The following LYPD5 variants were observed in gnomAD, a reference collection of about 807,000 sequenced individuals.
LYPD5 encodes LY6/PLAUR domain containing 5.
In LYPD5, 21 loss-of-function variants were observed where a neutral mutation model predicts 19.1. The ratio of observed to expected loss-of-function variants is 1.10; its 90% CI spans 0.78 to 1.58. The LOEUF (loss-of-function observed/expected upper bound fraction) is 1.58, where lower values mean the gene tolerates loss of function less well. Among genes scored for constraint, LYPD5 ranks in the 40% most tolerant of loss-of-function variants. The probability of loss-of-function intolerance (pLI) is 0.00; values close to 1 mark genes in which losing one functional copy is unlikely to be tolerated. For missense variants in LYPD5, 287 were observed against 329.8 expected, an observed-to-expected ratio of 0.87 and a Z score of 1.00; for synonymous variants, 128 against 142.7, an observed-to-expected ratio of 0.90 and a Z score of 0.74.
At chr19:43,802,185 G>C in intron 1 of LYPD5, 132 bp downstream of exon 1, 10 of 583,782 alleles carry the variant, frequency 1.7e-5, no homozygotes, top group East Asian at 1.1e-4. Context: ...TCCTCCCTCA[G>C]ACCCAGGAGA....
chr19:43,811,319 T>A (rs1262888164), intron 1 of LYPD5, among the ~76,000 whole-genome samples: 1 of 152,122 alleles, frequency 6.6e-6, no homozygotes, highest in Non-Finnish European at 1.5e-5. Context: ...TTGAGAAACG[T>A]GACATCATGA....
chr19:43,811,560 C>G (rs1399364638), intron 1 of LYPD5, among the ~76,000 whole-genome samples: 2 of 152,036 alleles, frequency 1.3e-5, no homozygotes, highest in Non-Finnish European at 2.9e-5. Context: ...GTGGTGGGCA[C>G]CTATAATCCC....
upstream of LYPD5, among the ~76,000 whole-genome samples, chr19:43,805,144 T>C (rs536360672): frequency 3.3e-5 from 5 of 152,330 alleles, no homozygotes; most frequent in East Asian, 5.8e-4. Flanking sequence ...TTTCCACGCA[T>C]GGTTCCATTT....
At position 43,813,312 on chromosome 19, in the gene LYPD5, G is replaced by A. The variant is rs1053945062; in HGVS notation, c.-66+7228C>T. ...TGTTAAAAAGTCTGGGAACTCCACC[G>A]TCTCTCTCTCGCTCTCTCTCTTGCC... On this transcript the variant is annotated intron_variant, in intron 1 of 4. Transcript: ENST00000414615. Among the ~76,000 whole-genome samples, 6 of 151,782 alleles carry A rather than the reference G, an allele frequency of 4.0e-5. 1 individual carries two copies. Among genetic ancestry groups the A allele is most frequent in the Non-Finnish European group, 8.8e-5 (6 of 68,004 alleles).
At position 43,819,336 on chromosome 19, in the gene LYPD5, G is replaced by A. The variant is rs578214730; in HGVS notation, c.-66+1204C>T. Among the ~76,000 whole-genome samples the A allele has an allele frequency of 1.1e-4, 16 of 141,460 alleles. No individual in the cohort carries two copies. In the South Asian group the frequency reaches 3.6e-3, roughly 32 times the overall value. The allele number at this position is 141,460 out of a possible 152,430, so 92.8% of individuals were successfully genotyped here. A position where few individuals can be genotyped will look rare whatever the true frequency, so the allele number is the denominator to read the frequency against. On this transcript the variant is annotated intron_variant, in intron 1 of 4. Coordinates refer to the LYPD5 transcript ENST00000414615. Reference sequence around the variant, plus strand: ...GTTTGCTCTTGTTGCCCAGGTTGGAGCGTAGTGGCATGATCTCAGCTCACT... The same window carrying A: ...GTTTGCTCTTGTTGCCCAGGTTGGAACGTAGTGGCATGATCTCAGCTCACT...
upstream of LYPD5, among the ~76,000 whole-genome samples, chr19:43,803,852 T>C (rs1189316004): frequency 3.3e-5 from 5 of 152,108 alleles, no homozygotes; most frequent in African/African-American, 1.2e-4. Flanking sequence ...CTCTTTTTCT[T>C]TTTGAGACGG....
At chr19:43,806,995 T>C (rs1470884011), upstream of LYPD5, among the ~76,000 whole-genome samples, 1 of 152,202 alleles carries the variant, frequency 6.6e-6, no homozygotes, top group Non-Finnish European at 1.5e-5. Context: ...GGTATAACCA[T>C]GTTGTATGTA....
chr19:43,802,581 G>T, upstream of LYPD5: 1 of 578,562 alleles, frequency 1.7e-6, no homozygotes, highest in African/African-American at 1.9e-5. Flanking sequence ...TACACTTCTG[G>T]GTCTGAGGGA....
upstream of LYPD5, among the ~76,000 whole-genome samples, chr19:43,804,090 G>C (rs888998028): frequency 6.6e-6 from 1 of 152,058 alleles, no homozygotes; most frequent in Non-Finnish European, 1.5e-5. Context: ...TGCCCGCCTC[G>C]GCCTCCCAAA....
In LYPD5 at chr19:43,802,362, T is replaced by C; in HGVS notation, c.19A>G (p.Arg7Gly). 6.4e-7 allele frequency: 1 copy of C among 1,551,676 alleles called. No homozygotes were observed. The change falls in exon 1 of 5, where the codon AGA becomes GGA. Residue 7 changes from arginine to glycine, a missense_variant. Coordinates refer to ENST00000377950, the MANE Select transcript of LYPD5 (RefSeq NM_001031749.3). MAMGVP[R>G]VILLCLFGAA... ...CCAAAGAGGCAGAGCAGAATGACTC[T>C]GGGGACCCCCATTGCCATTGCTGAG...
rs192097865 is a variant in LYPD5 at position 43,807,535 on chromosome 19, C to T, written c.-65-7701G>A. Among the ~76,000 whole-genome samples, 1,179 of 152,218 alleles carry T rather than the reference C, an allele frequency of 7.7e-3. 18 individuals carry two copies. Among genetic ancestry groups the T allele is most frequent in the African/African-American group, 0.027 (1,131 of 41,530 alleles). ...CTGATCTCAGGTGATCCGCCTGCCT[C>T]GGCCTCCCAGAGTTGGGATTACAGG... On this transcript the variant is annotated intron_variant, in intron 1 of 4. Transcript: ENST00000414615.
upstream of LYPD5, among the ~76,000 whole-genome samples, chr19:43,806,688 C>CAAAAT (rs754806548): frequency 1.3e-5 from 2 of 151,774 alleles, 1 homozygote; most frequent in African/African-American, 4.8e-5. Flanking sequence ...CAAAACAAAA[C>CAAAAT]AAACCCAACA....
intron 1 of LYPD5, among the ~76,000 whole-genome samples, chr19:43,812,385 C>CA (rs1555729234): frequency 2.0e-5 from 2 of 97,852 alleles, no homozygotes; most frequent in Non-Finnish European, 4.9e-5. Context: ...ATCAATCTAT[C>CA]ATCTATCTAT....
chr19:43,803,495 G>A (rs946701075), upstream of LYPD5, among the ~76,000 whole-genome samples: 2 of 152,168 alleles, frequency 1.3e-5, no homozygotes, highest in African/African-American at 4.8e-5. Context: ...CACCAGCCAT[G>A]TGCAGACACC....
rs1303772404 is a variant in LYPD5 at position 43,797,299 on chromosome 19, G to GGGTGCCT, written c.*285_*291dup. On this transcript the variant is annotated 3_prime_UTR_variant, in exon 5 of 5. Coordinates refer to ENST00000377950, the MANE Select transcript of LYPD5 (RefSeq NM_001031749.3). ...GGAGAGCACAGGAAGCCGTGTTATG[G>GGGTGCCT]GGTGCCTGGTGCCTGGCTGGTGCTC... The GGGTGCCT allele has an allele frequency of 1.3e-5, 5 of 393,042 alleles. No homozygotes were observed. Among genetic ancestry groups the GGGTGCCT allele is most frequent in the Admixed American group, 8.4e-5 (2 of 23,928 alleles). The allele number at this position is 393,042 out of a possible 1,614,324, so 24.3% of individuals were successfully genotyped here.
chr19:43,799,846 G>A lies in LYPD5; in HGVS notation c.65-12C>T. The A allele has an allele frequency of 6.2e-7, 1 of 1,604,628 alleles. No individual in the cohort carries two copies. The highest frequency in any genetic ancestry group is 8.5e-7 in the Non-Finnish European group (1 of 1,175,800). On this transcript the variant is annotated splice_polypyrimidine_tract_variant and intron_variant, in intron 1 of 4. Transcript: ENST00000377950. Reference sequence around the variant, plus strand: ...CAGGGCTTGGGACCCTGGGGAGAGAGGCGTGGCAGAGTCAGCAGGGCCAGT... The same window carrying A: ...CAGGGCTTGGGACCCTGGGGAGAGAAGCGTGGCAGAGTCAGCAGGGCCAGT...
chr19:43,799,768 A>G lies in LYPD5; in HGVS notation c.131T>C (p.Met44Thr), dbSNP rs770698693. The G allele has an allele frequency of 1.1e-5, 18 of 1,613,800 alleles. No homozygotes were observed. ...AGGACAGGAGATGCTGGGCAGCTTC[A>G]TGGCCCTGAGGTCAAAGGGGCCAAA... ...TYFGPFDLRA[M>T]KLPSISCPHE... The change falls in exon 2 of 5, where the codon ATG becomes ACG. Residue 44 changes from methionine (M) to threonine (T), a missense_variant. Physicochemically the swap from Met to Thr is moderately conservative, Grantham distance 81. Coordinates refer to ENST00000377950, the MANE Select transcript of LYPD5 (RefSeq NM_001031749.3).
chr19:43,812,521 G>C (rs1193942846), intron 1 of LYPD5, among the ~76,000 whole-genome samples: 11 of 152,106 alleles, frequency 7.2e-5, no homozygotes, highest in African/African-American at 2.7e-4. Flanking sequence ...TTCTGGCATA[G>C]GCAAGGGTCT....
At chr19:43,812,370 T>TATCTATCTATCTATCA (rs1454380858) in intron 1 of LYPD5, among the ~76,000 whole-genome samples, 12 of 141,842 alleles carry the variant, frequency 8.5e-5, no homozygotes, top group African/African-American at 3.2e-4. Context: ...TCTATCTATC[T>TATCTATCTATCTATCA]ATCTATCAAT....
Sources: gnomAD v4.1 joint callset for allele counts (sites outside exome capture counted in the v4.1 genomes callset) on GRCh38, gnomAD v4.1.1 for gene constraint, MANE v1.5 for transcripts, NCBI Gene and HGNC (gene_info 2026-07-23, HGNC 2026-07-21) for gene names.